ARHGAP15: variants seen among roughly 807,000 people sequenced by gnomAD.
ARHGAP15 encodes Rho GTPase activating protein 15.
Under a neutral mutation model 63.7 loss-of-function variants are expected in ARHGAP15, and 51 were observed. The ratio of observed to expected loss-of-function variants is 0.80; its 90% confidence interval spans 0.64 to 1.01. ARHGAP15 has a LOEUF of 1.01. Among genes scored for constraint, ARHGAP15 ranks in the 50% least tolerant of loss-of-function variants. The pLI is 0.00. For missense variants in ARHGAP15, 560 were observed against 564.6 expected, an observed-to-expected ratio of 0.99 and a Z score of 0.08; for synonymous variants, 191 against 193.8, an observed-to-expected ratio of 0.99 and a Z score of 0.12.
intron 5 of ARHGAP15, chr2:143,247,200 G>A (rs1694072795): frequency 6.6e-6 from 1 of 152,366 alleles, no homozygotes; most frequent in African/African-American, 2.4e-5. Flanking sequence ...TTTGAGTTTT[G>A]GGTTGGATGA....
In ARHGAP15 at chr2:143,519,347, A is replaced by G. The variant is rs1170598388; in HGVS notation, c.908A>G (p.Glu303Gly). The change falls in exon 10 of 14, where the codon GAA becomes GGA. Residue 303 changes from glutamate to glycine, a missense_variant. Glu to Gly is a moderately conservative substitution (Grantham distance 98). Coordinates refer to ENST00000295095, the MANE Select transcript of ARHGAP15 (RefSeq NM_018460.4). ...CCGTGGTTTGTAAAGCAATGCATTGAAGCTGTTGAGAAAAGAGGTGGGTGA... is the reference window on the plus strand; with the variant it reads ...CCGTGGTTTGTAAAGCAATGCATTGGAGCTGTTGAGAAAAGAGGTGGGTGA... ...TVPWFVKQCIEAVEKRGLDVD... is the reference protein window; with the variant it reads ...TVPWFVKQCIGAVEKRGLDVD... 6.2e-7 allele frequency: 1 copy of G among 1,612,622 alleles called. No homozygotes were observed. Among genetic ancestry groups the G allele is most frequent in the Non-Finnish European group, 8.5e-7 (1 of 1,178,852 alleles).
chr2:143,395,879 GT>G (rs1427178242), intron 6 of ARHGAP15, among the ~76,000 whole-genome samples: 1 of 151,950 alleles, frequency 6.6e-6, no homozygotes, highest in Non-Finnish European at 1.5e-5. Context: ...TCTATGAACA[GT>G]GAGATGCTAT....
chr2:143,652,682 A>G (rs377349991), intron 12 of ARHGAP15, among the ~76,000 whole-genome samples: 1 of 151,964 alleles, frequency 6.6e-6, no homozygotes, highest in African/African-American at 2.4e-5. Context: ...TCTTAATTCT[A>G]TTGTAAATTG....
In ARHGAP15 at chr2:143,664,003, C is replaced by T. The variant is rs1297448622; in HGVS notation, c.1139-39416C>T. Among the ~76,000 whole-genome samples the T allele has an allele frequency of 1.1e-3, 163 of 151,328 alleles. 1 individual carries two copies. Among genetic ancestry groups the T allele is most frequent in the African/African-American group, 1.8e-3 (74 of 41,412 alleles). ...CCACTGTCAACATTAGACAGATCAA[C>T]GAGACAGAAAGTCAACAAGGATACC... is the stretch of plus-strand genomic sequence containing the variant. On this transcript the variant is annotated intron_variant, in intron 12 of 13. Coordinates refer to ENST00000295095, the MANE Select transcript of ARHGAP15 (RefSeq NM_018460.4).
intron 6 of ARHGAP15, among the ~76,000 whole-genome samples, chr2:143,374,108 A>C (rs1015111758): frequency 2.6e-5 from 4 of 152,202 alleles, no homozygotes; most frequent in Non-Finnish European, 2.9e-5. Flanking sequence ...GTTATTTCTC[A>C]AAGAATTGGC....
In ARHGAP15 at chr2:143,161,814, G is replaced by A. The variant is rs547581986; in HGVS notation, c.165+6159G>A. Among the ~76,000 whole-genome samples, 3 of 152,022 alleles carry A rather than the reference G, an allele frequency of 2.0e-5. No individual in the cohort carries two copies. In the East Asian group the frequency reaches 5.9e-4, roughly 30 times the overall value. On this transcript the variant is annotated intron_variant, in intron 2 of 13. Transcript: ENST00000295095. The stretch of plus-strand genomic sequence containing the variant: ...TGTTCTGTTACCGAGTAGGAGAGAA[G>A]AGTGAGAGCTGAGGATGATTTGGGA...
At chr2:143,557,316 G>T (rs1242829266) in intron 11 of ARHGAP15, among the ~76,000 whole-genome samples, 1 of 152,042 alleles carries the variant, frequency 6.6e-6, no homozygotes, top group East Asian at 1.9e-4. Context: ...GGGATGAAAA[G>T]AAATGAGCTT....
intron 6 of ARHGAP15, among the ~76,000 whole-genome samples, chr2:143,266,719 T>C (rs564696281): frequency 2.0e-5 from 3 of 152,310 alleles, no homozygotes; most frequent in East Asian, 1.9e-4. Context: ...AAAATTCTTA[T>C]GCTTTTTTTC....
At position 143,708,686 on chromosome 2, in the gene ARHGAP15, G is replaced by A. The variant is rs569939164; in HGVS notation, c.1244+5162G>A. Among the ~76,000 whole-genome samples, 5 of 151,578 alleles carry A rather than the reference G, an allele frequency of 3.3e-5. No individual in the cohort carries two copies. The East Asian group carries it at 9.7e-4, about 29-fold the overall frequency. ...TGATCATCTAGTCTGCCGGCCTTTG[G>A]GGCAGGCATAAGGAAATTGGAAATA... is the stretch of plus-strand genomic sequence containing the variant. On this transcript the variant is annotated intron_variant, in intron 13 of 13. Coordinates refer to ENST00000295095, the MANE Select transcript of ARHGAP15 (RefSeq NM_018460.4).
At chr2:143,440,157 T>G (rs970963719) in intron 8 of ARHGAP15, among the ~76,000 whole-genome samples, 14 of 152,180 alleles carry the variant, frequency 9.2e-5, no homozygotes, top group Non-Finnish European at 2.1e-4. Flanking sequence ...AAAGGCATAA[T>G]GATTGACCCA....
In ARHGAP15 at chr2:143,736,533, G is replaced by A. The variant is rs1306217328; in HGVS notation, c.1245-31456G>A. 2.0e-5 allele frequency among the ~76,000 whole-genome samples: 3 copies of A among 152,138 alleles called. No homozygotes were observed. The East Asian group carries it at 5.8e-4, about 29-fold the overall frequency. ...CTTTTACTTACACAAAGTGTAGAGT[G>A]TATAGTTATAGACAAAGTGTAGAAT... On this transcript the variant is annotated intron_variant, in intron 13 of 13. Transcript: ENST00000295095.
chr2:143,472,337 G>A (rs746943101), intron 8 of ARHGAP15, among the ~76,000 whole-genome samples: 5 of 152,048 alleles, frequency 3.3e-5, no homozygotes, highest in African/African-American at 1.2e-4. Context: ...CATTCACCAG[G>A]GAGATTTATA....
intron 8 of ARHGAP15, among the ~76,000 whole-genome samples, chr2:143,465,403 G>C (rs1187338702): frequency 6.6e-6 from 1 of 152,096 alleles, no homozygotes; most frequent in Non-Finnish European, 1.5e-5. Context: ...TTAAGAATTG[G>C]ACCGTCCTTA....
intron 6 of ARHGAP15, among the ~76,000 whole-genome samples, chr2:143,389,242 C>CAGAT (rs1475688235): frequency 6.6e-6 from 1 of 151,792 alleles, no homozygotes; most frequent in African/African-American, 2.4e-5. Flanking sequence ...AGGTCTGCAC[C>CAGAT]AGATGGGCAG....
chr2:143,591,193 A>G (rs1382742187), intron 11 of ARHGAP15, among the ~76,000 whole-genome samples: 1 of 152,188 alleles, frequency 6.6e-6, no homozygotes, highest in Non-Finnish European at 1.5e-5. Flanking sequence ...CAGTTACTTT[A>G]TTATTTTTCC....
chr2:143,629,059 C>T (rs757918346), intron 12 of ARHGAP15, among the ~76,000 whole-genome samples: 1 of 152,038 alleles, frequency 6.6e-6, no homozygotes, highest in African/African-American at 2.4e-5. Flanking sequence ...ATTTCTAGTA[C>T]AAGCAATTAA....
At chr2:143,330,094 CAAAAAAAAAAAAAAAAA>C (rs1303438123) in intron 6 of ARHGAP15, among the ~76,000 whole-genome samples, 1 of 1,688 alleles carries the variant, frequency 5.9e-4, no homozygotes, top group African/African-American at 1.6e-3. Flanking sequence ...GGCTCTGTCT[CAAAAAAAAAAAAAAAAA>C]AAAAAAAAAA....
chr2:143,270,320 T>C (rs529192834), intron 6 of ARHGAP15, among the ~76,000 whole-genome samples: 18 of 152,376 alleles, frequency 1.2e-4, no homozygotes, highest in African/African-American at 4.3e-4. Flanking sequence ...TCTTCAACCT[T>C]GTAGACATTT....
rs1698754020 is a variant in ARHGAP15 at position 143,624,269 on chromosome 2, T to A, written c.1138+2T>A. 1 of 1,611,562 alleles carries A rather than the reference T, an allele frequency of 6.2e-7. No individual in the cohort carries two copies. Among genetic ancestry groups the A allele is most frequent in the Non-Finnish European group, 8.5e-7 (1 of 1,178,402 alleles). On this transcript the variant is annotated splice_donor_variant, in intron 12 of 13. Coordinates refer to ENST00000295095, the MANE Select transcript of ARHGAP15 (RefSeq NM_018460.4). LOFTEE classifies it high-confidence loss of function. ...TTGAGCAGTTTGTGGAAGCGATCAG[T>A]AAGTACCTCACAGAAAAGGGCAGGT...
Sources: allele counts gnomAD v4.1 joint callset (sites outside exome capture counted in the v4.1 genomes callset), GRCh38; gene constraint gnomAD v4.1.1; transcripts MANE v1.5; gene names NCBI Gene and HGNC (gene_info 2026-07-23, HGNC 2026-07-21).